Variants in SNTG2 observed in about 807,000 individuals in gnomAD.
SNTG2 encodes the protein syntrophin gamma 2.
Under a neutral mutation model 70.9 loss-of-function variants are expected in SNTG2, and 74 were observed. The observed-to-expected ratio is 1.04, with a 90% CI of 0.86 to 1.27. The LOEUF (loss-of-function observed/expected upper bound fraction) is 1.27, where lower values mean the gene tolerates loss of function less well. SNTG2 is among the 50% of genes most tolerant of loss of function. The probability of loss-of-function intolerance (pLI) is 0.00; values close to 1 mark genes in which losing one functional copy is unlikely to be tolerated. For missense variants in SNTG2, 717 were observed against 690.7 expected (o/e 1.04, Z -0.43); for synonymous variants, 278 against 273.8 (o/e 1.02, Z -0.15).
At chr2:1,293,157 CTTT>C (rs71400092) in intron 14 of SNTG2, among the ~76,000 whole-genome samples, 1 of 130,964 alleles carries the variant, frequency 7.6e-6, no homozygotes, top group Admixed American at 7.6e-5. Context: ...TACTCTGTTA[CTTT>C]TTTTTTTTTT....
At chr2:1,306,217 A>G (rs915807396) in intron 14 of SNTG2, among the ~76,000 whole-genome samples, 1 of 152,118 alleles carries the variant, frequency 6.6e-6, no homozygotes, top group Non-Finnish European at 1.5e-5. Flanking sequence ...GCCAATGCCA[A>G]CAGTGTGTAG....
chr2:1,062,565 A>G (rs1254893225), intron 1 of SNTG2, among the ~76,000 whole-genome samples: 1 of 152,250 alleles, frequency 6.6e-6, no homozygotes, highest in African/African-American at 2.4e-5. Flanking sequence ...GAGATGTAAT[A>G]TTGTATCTCC....
At chr2:1,004,245 A>C (rs1043830920) in intron 1 of SNTG2, among the ~76,000 whole-genome samples, 2 of 152,214 alleles carry the variant, frequency 1.3e-5, no homozygotes, top group African/African-American at 4.8e-5. Flanking sequence ...ACAAGATAAC[A>C]CAGGAAAAGC....
In SNTG2 at chr2:1,214,979, T is replaced by TATTGCTACAATG. The variant is rs1370087256; in HGVS notation, c.719+5750_719+5761dup. Among the ~76,000 whole-genome samples the TATTGCTACAATG allele has an allele frequency of 6.6e-5, 10 of 152,230 alleles. 1 individual carries two copies. Among genetic ancestry groups the TATTGCTACAATG allele is most frequent in the Admixed American group, 6.5e-4 (10 of 15,284 alleles). On this transcript the variant is annotated intron_variant, in intron 9 of 16. Coordinates refer to ENST00000308624, the MANE Select transcript of SNTG2 (RefSeq NM_018968.4). The stretch of plus-strand genomic sequence containing the variant: ...ATTTTGTCAAATGTTTTTCTGCATC[T>TATTGCTACAATG]ATTGCTACAATGTTATGGTTTTTGT...
intron 16 of SNTG2, among the ~76,000 whole-genome samples, chr2:1,335,068 TCA>T (rs1659731364): frequency 6.6e-6 from 1 of 152,210 alleles, no homozygotes; most frequent in South Asian, 2.1e-4. Flanking sequence ...ATTGCCCTTT[TCA>T]TAAAGAGATT....
intron 14 of SNTG2, among the ~76,000 whole-genome samples, chr2:1,279,991 AACTT>A (rs1337999651): frequency 2.6e-5 from 4 of 152,212 alleles, no homozygotes; most frequent in Admixed American, 2.0e-4. Context: ...GATATTATAA[AACTT>A]AATTAATTGA....
chr2:1,318,423 G>A (rs1251783282), intron 16 of SNTG2, among the ~76,000 whole-genome samples: 2 of 152,202 alleles, frequency 1.3e-5, no homozygotes, highest in African/African-American at 4.8e-5. Context: ...TAAGTACAAC[G>A]GAAATTGTAT....
At chr2:1,318,419 C>T (rs1163060635) in intron 16 of SNTG2, among the ~76,000 whole-genome samples, 1 of 152,148 alleles carries the variant, frequency 6.6e-6, no homozygotes, top group Non-Finnish European at 1.5e-5. Flanking sequence ...CTTTTAAGTA[C>T]AACGGAAATT....
chr2:1,072,724 G>T (rs562056057), intron 1 of SNTG2, among the ~76,000 whole-genome samples: 1 of 152,070 alleles, frequency 6.6e-6, no homozygotes, highest in Non-Finnish European at 1.5e-5. Flanking sequence ...AGTTATAGCC[G>T]CCATGGAGAG....
rs1674984252 is a variant in SNTG2, at chr2:1,221,867, CTCTCT to C, written c.719+12638_719+12642del. ...TCTCTGTCTCTGTCTCTGTCTCTGT[CTCTCT>C]CTCTCTCTGTCTCTGTCTGTGTCTC... On this transcript the variant is annotated intron_variant, in intron 9 of 16. Coordinates refer to ENST00000308624, the MANE Select transcript of SNTG2 (RefSeq NM_018968.4). Among the ~76,000 whole-genome samples the C allele has an allele frequency of 2.3e-4, 7 of 30,308 alleles. 3 individuals are homozygous for C. Among genetic ancestry groups the C allele is most frequent in the Admixed American group, 8.0e-4 (2 of 2,502 alleles). 19.9% of individuals were successfully genotyped at this position (30,308 alleles called of 152,430 possible).
chr2:1,123,638 T>A (rs751891284), intron 4 of SNTG2, among the ~76,000 whole-genome samples: 6 of 152,204 alleles, frequency 3.9e-5, no homozygotes, highest in Non-Finnish European at 4.4e-5. Flanking sequence ...CTCGTTGATA[T>A]TGGCCTTGGC....
chr2:1,072,365 T>A (rs1162184678), intron 1 of SNTG2, among the ~76,000 whole-genome samples: 2 of 142,940 alleles, frequency 1.4e-5, no homozygotes, highest in Admixed American at 7.3e-5. Flanking sequence ...TTTTTTTTTT[T>A]ACCATTCTGA....
At chr2:1,062,590 T>G (rs1434917859) in intron 1 of SNTG2, among the ~76,000 whole-genome samples, 2 of 152,196 alleles carry the variant, frequency 1.3e-5, no homozygotes, top group Admixed American at 1.3e-4. Flanking sequence ...TGTAACAGAA[T>G]TAACAGTCAT....
intron 16 of SNTG2, among the ~76,000 whole-genome samples, chr2:1,359,396 C>T (rs949231005): frequency 2.0e-5 from 3 of 152,124 alleles, no homozygotes; most frequent in Non-Finnish European, 4.4e-5. Flanking sequence ...TATTTATTTA[C>T]AGTTGTTCTA....
chr2:1,116,740 G>T (rs771351274), intron 4 of SNTG2, among the ~76,000 whole-genome samples: 2 of 148,176 alleles, frequency 1.3e-5, no homozygotes, highest in African/African-American at 2.5e-5. Flanking sequence ...GTGCCCTGGT[G>T]TATGGGTGCC....
chr2:1,203,920 G>C (rs1673465925), intron 8 of SNTG2, among the ~76,000 whole-genome samples: 1 of 152,022 alleles, frequency 6.6e-6, no homozygotes, highest in South Asian at 2.1e-4. Context: ...ATATCCTCAA[G>C]CAACAATCAG....
intron 1 of SNTG2, among the ~76,000 whole-genome samples, 155 bp downstream of exon 1, chr2:951,223 C>A (rs971599198): frequency 1.3e-5 from 2 of 152,142 alleles, no homozygotes; most frequent in Non-Finnish European, 2.9e-5. Flanking sequence ...GGCGCCGGAG[C>A]CCCGGGACGC....
intron 9 of SNTG2, among the ~76,000 whole-genome samples, chr2:1,216,972 C>CA (rs1674436189): frequency 6.6e-6 from 1 of 152,124 alleles, no homozygotes; most frequent in Non-Finnish European, 1.5e-5. Flanking sequence ...AAGCTTGCTT[C>CA]CCCTTCACCC....
At chr2:1,342,019 T>A (rs1349957687) in intron 16 of SNTG2, among the ~76,000 whole-genome samples, 1 of 152,120 alleles carries the variant, frequency 6.6e-6, no homozygotes, top group East Asian at 1.9e-4. Flanking sequence ...CCTGTTTTAT[T>A]TTCTTTTAAT....
Sources: gnomAD v4.1 joint callset for allele counts (sites outside exome capture counted in the v4.1 genomes callset) on GRCh38, gnomAD v4.1.1 for gene constraint, MANE v1.5 for transcripts, NCBI Gene and HGNC (gene_info 2026-07-23, HGNC 2026-07-21) for gene names.